The following LRRC28 variants were observed in gnomAD, a reference collection of about 807,000 sequenced individuals.
LRRC28 encodes leucine-rich repeat-containing protein 28.
Under a neutral mutation model 45.7 loss-of-function variants are expected in LRRC28, and 39 were observed. The ratio of observed to expected loss-of-function variants is 0.85; its 90% CI spans 0.66 to 1.12. The LOEUF (loss-of-function observed/expected upper bound fraction) is 1.12, where lower values mean the gene tolerates loss of function less well. LRRC28 is among the 50% of genes most tolerant of loss of function. The pLI is 0.00. For synonymous variants in LRRC28, 206 were observed against 178.8 expected (o/e 1.15, Z -1.22); for missense variants, 435 against 438.5 (o/e 0.99, Z 0.07).
In LRRC28 at chr15:99,387,090, T is replaced by C; in HGVS notation, c.*988T>C. On this transcript the variant is annotated 3_prime_UTR_variant, in exon 10 of 10. Coordinates refer to ENST00000301981, the MANE Select transcript of LRRC28 (RefSeq NM_144598.5). Reference sequence around the variant, plus strand: ...TTTTTGTTGTTGTTGAGACGGAGTCTCGCTCTGTCGCCCAGGCTGGAGTGC... The same window carrying C: ...TTTTTGTTGTTGTTGAGACGGAGTCCCGCTCTGTCGCCCAGGCTGGAGTGC... 6.6e-6 allele frequency: 1 copy of C among 151,648 alleles called. No homozygotes were observed. The allele number at this position is 151,648 out of a possible 1,614,324, so 9.4% of individuals were successfully genotyped here. A position where few individuals can be genotyped will look rare whatever the true frequency, so the allele number is the denominator to read the frequency against.
At chr15:99,299,741 A>G (rs1346449340) in intron 5 of LRRC28, among the ~76,000 whole-genome samples, 1 of 152,210 alleles carries the variant, frequency 6.6e-6, no homozygotes, top group South Asian at 2.1e-4. Flanking sequence ...CTCAATGTGC[A>G]TAATAGTTCT....
intron 6 of LRRC28, among the ~76,000 whole-genome samples, chr15:99,346,281 A>C (rs1362810043): frequency 2.6e-5 from 4 of 152,126 alleles, no homozygotes; most frequent in African/African-American, 9.7e-5. Flanking sequence ...GGCTCAAGTG[A>C]TCTTTCTGCC....
chr15:99,268,181 A>G (rs2081380991), intron 2 of LRRC28, among the ~76,000 whole-genome samples: 1 of 152,236 alleles, frequency 6.6e-6, no homozygotes, highest in African/African-American at 2.4e-5. Context: ...CTGTGGAGAA[A>G]TGAAGTGCTG....
chr15:99,283,485 G>A (rs1274449840), intron 3 of LRRC28, among the ~76,000 whole-genome samples: 4 of 151,248 alleles, frequency 2.6e-5, no homozygotes, highest in African/African-American at 9.7e-5. Context: ...GTGTGGTGGT[G>A]CGCACCTGTA....
chr15:99,290,722 A>G (rs557568253), intron 5 of LRRC28, among the ~76,000 whole-genome samples: 2 of 152,174 alleles, frequency 1.3e-5, no homozygotes, highest in East Asian at 3.9e-4. Context: ...AGCTGAGGCG[A>G]GAGGATCAGG....
chr15:99,264,534 C>T (rs537170625), intron 2 of LRRC28, among the ~76,000 whole-genome samples: 2 of 152,324 alleles, frequency 1.3e-5, no homozygotes, highest in Admixed American at 1.3e-4. Flanking sequence ...AATAGTGTAT[C>T]TCCACTTCAG....
At chr15:99,351,962 A>G (rs1463013241) in intron 6 of LRRC28, among the ~76,000 whole-genome samples, 4 of 152,222 alleles carry the variant, frequency 2.6e-5, no homozygotes, top group Non-Finnish European at 4.4e-5. Flanking sequence ...TCTGGCAAGA[A>G]AAGGGATGAC....
intron 5 of LRRC28, among the ~76,000 whole-genome samples, chr15:99,307,199 T>C (rs545610036): frequency 3.9e-5 from 6 of 152,286 alleles, no homozygotes; most frequent in South Asian, 4.1e-4. Context: ...ATTCTAATAC[T>C]TGGGACACTG....
intron 9 of LRRC28, among the ~76,000 whole-genome samples, chr15:99,371,730 A>G (rs570427334): frequency 2.0e-5 from 3 of 152,310 alleles, no homozygotes; most frequent in African/African-American, 7.2e-5. Flanking sequence ...GAAATTTCCC[A>G]CAAGTGAAAT....
At chr15:99,302,049 C>T (rs1247331230) in intron 5 of LRRC28, among the ~76,000 whole-genome samples, 6 of 144,064 alleles carry the variant, frequency 4.2e-5, no homozygotes, top group South Asian at 2.2e-4. Context: ...TTTTTTGAGA[C>T]GGAGTCTTGC....
intron 6 of LRRC28, among the ~76,000 whole-genome samples, chr15:99,341,859 G>C (rs1267103544): frequency 6.6e-6 from 1 of 152,156 alleles, no homozygotes; most frequent in African/African-American, 2.4e-5. Context: ...AAGATGTTAT[G>C]AATTGACTTA....
chr15:99,340,073 G>T (rs1193755483), intron 6 of LRRC28, among the ~76,000 whole-genome samples: 1 of 152,246 alleles, frequency 6.6e-6, no homozygotes, highest in Non-Finnish European at 1.5e-5. Flanking sequence ...GCACGTGAGT[G>T]CAGAGAGTCA....
intron 2 of LRRC28, among the ~76,000 whole-genome samples, chr15:99,267,528 G>A (rs889349139): frequency 6.6e-6 from 1 of 152,102 alleles, no homozygotes; most frequent in African/African-American, 2.4e-5. Flanking sequence ...CTCCATAATC[G>A]CCATGATTGC....
intron 7 of LRRC28, among the ~76,000 whole-genome samples, chr15:99,360,377 A>G (rs1435627595): frequency 6.6e-6 from 1 of 152,064 alleles, no homozygotes; most frequent in African/African-American, 2.4e-5. Flanking sequence ...TTGCCCCCAC[A>G]TTAGAATAAT....
chr15:99,319,244 C>T (rs1955707497), intron 5 of LRRC28, among the ~76,000 whole-genome samples: 1 of 152,074 alleles, frequency 6.6e-6, no homozygotes, highest in African/African-American at 2.4e-5. Flanking sequence ...ATTGTGCTAA[C>T]TCAGTAAAGA....
chr15:99,255,890 C>G lies in LRRC28; in HGVS notation c.-60-8C>G. On this transcript the variant is annotated splice_region_variant and splice_polypyrimidine_tract_variant and intron_variant, in intron 1 of 9. Coordinates refer to ENST00000301981, the MANE Select transcript of LRRC28 (RefSeq NM_144598.5). ...TACAATGAATAAATTTTCTCGTTCT[C>G]TTTATAGAAATGGACCAATTTTGAC... 6.7e-7 allele frequency: 1 copy of G among 1,489,782 alleles called. No homozygotes were observed. The highest frequency in any genetic ancestry group is 9.0e-7 in the Non-Finnish European group (1 of 1,116,054). 92.3% of individuals were successfully genotyped at this position (1,489,782 alleles called of 1,614,324 possible). A position where few individuals can be genotyped will look rare whatever the true frequency, so the allele number is the denominator to read the frequency against.
rs562438124 is a variant in LRRC28 at position 99,318,839 on chromosome 15, T to A, written c.386-15084T>A. Among the ~76,000 whole-genome samples, 8 of 152,236 alleles carry A rather than the reference T, an allele frequency of 5.3e-5. No individual in the cohort carries two copies. The East Asian group carries it at 1.3e-3, about 26-fold the overall frequency. ...CTAGATAATTTTTGTGTTGTGCATG[T>A]GTTTTTCCAGTGGTTTCCAAATGTT... On this transcript the variant is annotated intron_variant, in intron 5 of 9. Coordinates refer to ENST00000301981, the MANE Select transcript of LRRC28 (RefSeq NM_144598.5).
chr15:99,381,155 A>G (rs1019184713), intron 9 of LRRC28, among the ~76,000 whole-genome samples: 1 of 152,184 alleles, frequency 6.6e-6, no homozygotes, highest in Non-Finnish European at 1.5e-5. Context: ...TCTCCCCATC[A>G]CTTTCAAGTA....
chr15:99,253,190 G>T (rs1317392626), intron 1 of LRRC28, among the ~76,000 whole-genome samples: 4 of 151,746 alleles, frequency 2.6e-5, no homozygotes, highest in African/African-American at 7.3e-5. Context: ...GTGCGATCTC[G>T]GTTTACTGCA....
Sources: allele counts gnomAD v4.1 joint callset (sites outside exome capture counted in the v4.1 genomes callset), GRCh38; gene constraint gnomAD v4.1.1; transcripts MANE v1.5; gene names NCBI Gene and HGNC (gene_info 2026-07-23, HGNC 2026-07-21).